Variants in ACAD10 observed in about 807,000 individuals in gnomAD.
ACAD10 encodes acyl-CoA dehydrogenase family member 10.
ACAD10 carries 112 observed loss-of-function variants against 116.8 expected under a neutral mutation model. The ratio of observed to expected loss-of-function variants is 0.96; its 90% CI spans 0.82 to 1.12. ACAD10 has a LOEUF of 1.12. Ranked by LOEUF, ACAD10 falls within the 50% of genes most tolerant of loss-of-function variation. The pLI is 0.00. For synonymous variants in ACAD10, 486 were observed against 510.6 expected (o/e 0.95, Z 0.65); for missense variants, 1,259 against 1,350.2 (o/e 0.93, Z 1.06).
At chr12:111,691,502 C>T (rs1471446170) in intron 1 of ACAD10, among the ~76,000 whole-genome samples, 1 of 151,730 alleles carries the variant, frequency 6.6e-6, no homozygotes, top group Admixed American at 6.6e-5. Context: ...CAGAGGAGAA[C>T]ATGCGTTTGA....
chr12:111,740,863 G>GAGAA (rs1220372449), intron 12 of ACAD10, among the ~76,000 whole-genome samples: 1 of 151,800 alleles, frequency 6.6e-6, no homozygotes, highest in Admixed American at 6.6e-5. Context: ...GAGAAAGAAG[G>GAGAA]AGAAAGGAAT....
At chr12:111,755,785 A>G (rs780648839) in intron 20 of ACAD10, 40 bp downstream of exon 20, 2 of 1,586,956 alleles carry the variant, frequency 1.3e-6, no homozygotes, top group South Asian at 1.1e-5. Flanking sequence ...TGAACCATCA[A>G]TACTAGATGC....
intron 10 of ACAD10, among the ~76,000 whole-genome samples, chr12:111,733,234 A>G (rs1370485885): frequency 1.3e-5 from 2 of 152,122 alleles, no homozygotes; most frequent in Non-Finnish European, 2.9e-5. Context: ...AGTAGCTGGG[A>G]CTACAGGCGT....
intron 13 of ACAD10, 94 bp from the exon 14 acceptor site, chr12:111,746,040 TGGTTGTCTGC>T (rs1462697792): frequency 1.4e-6 from 2 of 1,465,910 alleles, no homozygotes; most frequent in Non-Finnish European, 1.8e-6. Flanking sequence ...CGTGCATGTT[TGGTTGTCTGC>T]CTTGTTTCCT....
At chr12:111,739,164 G>A (rs866332102) in intron 12 of ACAD10, among the ~76,000 whole-genome samples, 4 of 152,170 alleles carry the variant, frequency 2.6e-5, no homozygotes, top group Admixed American at 6.6e-5. Context: ...ATTAATGGAT[G>A]TGGGCAATAA....
In ACAD10 at chr12:111,756,491, G is replaced by T. The variant is rs772891891; in HGVS notation, c.*18G>T. On this transcript the variant is annotated 3_prime_UTR_variant, in exon 21 of 21. Coordinates refer to ENST00000313698, the MANE Select transcript of ACAD10 (RefSeq NM_025247.6). ...GCATTTAGAGCCTTGGGGCTGCAGTGGCTCAATGTCCTGGCTGGTCCAGCT... is the reference window on the plus strand; with the variant it reads ...GCATTTAGAGCCTTGGGGCTGCAGTTGCTCAATGTCCTGGCTGGTCCAGCT... The T allele has an allele frequency of 1.1e-5, 17 of 1,610,282 alleles. No homozygotes were observed. In the South Asian group the frequency reaches 1.5e-4, roughly 15 times the overall value.
chr12:111,716,063 A>C, intron 7 of ACAD10, 101 bp downstream of exon 7: 1 of 1,484,754 alleles, frequency 6.7e-7, no homozygotes, highest in African/African-American at 1.4e-5. Flanking sequence ...ATACCCCAAG[A>C]CATTTAAAAC....
chr12:111,701,908 C>T (rs1027161712), intron 2 of ACAD10, among the ~76,000 whole-genome samples: 2 of 152,114 alleles, frequency 1.3e-5, no homozygotes, highest in African/African-American at 2.4e-5. Context: ...ATGCAGTGCC[C>T]GGAGTCCTCT....
chr12:111,707,745 C>G (rs1384330600), intron 4 of ACAD10, among the ~76,000 whole-genome samples: 2 of 152,200 alleles, frequency 1.3e-5, no homozygotes, highest in Non-Finnish European at 2.9e-5. Context: ...GGCATATTAC[C>G]TTAGCCCTAC....
intron 10 of ACAD10, among the ~76,000 whole-genome samples, chr12:111,733,286 A>C: frequency 6.6e-6 from 1 of 151,836 alleles, no homozygotes; most frequent in Non-Finnish European, 1.5e-5. Flanking sequence ...TTTTTTGTAG[A>C]GATAGGATCT....
intron 12 of ACAD10, among the ~76,000 whole-genome samples, chr12:111,738,530 G>A (rs574392070): frequency 7.9e-4 from 119 of 151,398 alleles, no homozygotes; most frequent in African/African-American, 2.8e-3. Context: ...GCATCACCAA[G>A]GATGATAGCT....
At position 111,705,861 on chromosome 12, in the gene ACAD10, G is replaced by A. The variant is rs371472927; in HGVS notation, c.460G>A (p.Val154Ile). 2.5e-6 allele frequency: 4 copies of A among 1,614,050 alleles called. No individual in the cohort carries two copies. Among genetic ancestry groups the A allele is most frequent in the Middle Eastern group, 1.6e-4 (1 of 6,084 alleles). ...TCGGGCAAAAGGTCTTCAGACTGCAGTCTTGAGCAATAATTTTTATCTTCC... is the reference window on the plus strand; with the variant it reads ...TCGGGCAAAAGGTCTTCAGACTGCAATCTTGAGCAATAATTTTTATCTTCC... ...QIRAKGLQTA[V>I]LSNNFYLPNQ... Residue 154 changes from valine (V) to isoleucine (I), a missense_variant, in exon 4 of 21, where the codon GTC becomes ATC. Val to Ile is a conservative substitution (Grantham distance 29). Transcript: ENST00000313698.
chr12:111,705,247 T>C (rs1888464451), intron 3 of ACAD10, among the ~76,000 whole-genome samples: 1 of 151,922 alleles, frequency 6.6e-6, no homozygotes, highest in Non-Finnish European at 1.5e-5. Flanking sequence ...TATAAATAGC[T>C]CCATTCCCTA....
chr12:111,743,446 C>T (rs1217339290), intron 12 of ACAD10, among the ~76,000 whole-genome samples: 1 of 150,956 alleles, frequency 6.6e-6, no homozygotes, highest in Non-Finnish European at 1.5e-5. Flanking sequence ...AAGTGATTCT[C>T]CTACCTCAGG....
chr12:111,713,914 C>T (rs922390615), intron 6 of ACAD10, among the ~76,000 whole-genome samples: 2 of 148,714 alleles, frequency 1.3e-5, no homozygotes, highest in Non-Finnish European at 1.5e-5. Context: ...GCCTGGGTGA[C>T]AGAGCAAGAC....
intron 19 of ACAD10, among the ~76,000 whole-genome samples, chr12:111,754,985 C>G (rs1890169179): frequency 1.3e-5 from 2 of 152,234 alleles, no homozygotes; most frequent in African/African-American, 4.8e-5. Context: ...GCAGCCTCAC[C>G]CAGCTCACAT....
chr12:111,750,293 ATGTTAGCCAGGATGGTTTCGATCTCACCG>A (rs1890038322), intron 18 of ACAD10, among the ~76,000 whole-genome samples: 1 of 150,200 alleles, frequency 6.7e-6, no homozygotes, highest in Non-Finnish European at 1.5e-5. Context: ...GGGTTTCACC[ATGTTAGCCAGGATGGTTTCGATCTCACCG>A]TGTTAGCCAG....
intron 7 of ACAD10, among the ~76,000 whole-genome samples, chr12:111,718,907 C>T (rs1888929751): frequency 6.6e-6 from 1 of 151,978 alleles, no homozygotes; most frequent in South Asian, 2.1e-4. Flanking sequence ...GAGTTCAAGA[C>T]CAGTCTTGCC....
chr12:111,720,643 A>G (rs1888988447), intron 7 of ACAD10, among the ~76,000 whole-genome samples: 1 of 151,988 alleles, frequency 6.6e-6, no homozygotes, highest in Non-Finnish European at 1.5e-5. Flanking sequence ...TAATGCTTCC[A>G]TTTCCATCCT....
Sources: gnomAD v4.1 joint callset for allele counts (sites outside exome capture counted in the v4.1 genomes callset) on GRCh38, gnomAD v4.1.1 for gene constraint, MANE v1.5 for transcripts, NCBI Gene and HGNC (gene_info 2026-07-23, HGNC 2026-07-21) for gene names.